PARD3: variants seen among roughly 807,000 people sequenced by gnomAD.
The protein encoded by PARD3 is par-3 family cell polarity regulator.
Under a neutral mutation model 155.4 loss-of-function variants are expected in PARD3, and 75 were observed. That is an observed-to-expected ratio of 0.48 (90% confidence interval 0.40 to 0.58). The LOEUF (loss-of-function observed/expected upper bound fraction) is 0.58, where lower values mean the gene tolerates loss of function less well. PARD3 is among the 20% of genes least tolerant of loss of function. The pLI, the probability that PARD3 is intolerant of heterozygous loss-of-function variation, is 0.00. For missense variants in PARD3, 1,642 were observed against 1,721.7 expected, an observed-to-expected ratio of 0.95 and a Z score of 0.82; for synonymous variants, 576 against 610.5, an observed-to-expected ratio of 0.94 and a Z score of 0.83.
At chr10:34,639,842 G>A (rs758781854) in intron 2 of PARD3, among the ~76,000 whole-genome samples, 104 of 151,678 alleles carry the variant, frequency 6.9e-4, no homozygotes, top group Admixed American at 2.8e-3. Context: ...CTCCAGCCTC[G>A]GTAACAGAGT....
At chr10:34,732,772 A>G (rs1431300498) in intron 1 of PARD3, among the ~76,000 whole-genome samples, 6 of 152,264 alleles carry the variant, frequency 3.9e-5, no homozygotes, top group Non-Finnish European at 1.5e-5. Context: ...TATAGAATTT[A>G]CGTTACGCCA....
At chr10:34,225,594 C>T (rs1726672718) in intron 22 of PARD3, among the ~76,000 whole-genome samples, 1 of 152,200 alleles carries the variant, frequency 6.6e-6, no homozygotes, top group South Asian at 2.1e-4. Flanking sequence ...GATCAACCCA[C>T]CTTGGCCTCC....
chr10:34,357,433 A>G (rs535636519), intron 14 of PARD3, among the ~76,000 whole-genome samples: 1 of 152,340 alleles, frequency 6.6e-6, no homozygotes, highest in African/African-American at 2.4e-5. Context: ...CTGTGGAATG[A>G]AAACTGTCCT....
Position 34,111,078 on chromosome 10 carries a change from C to G in PARD3, c.*91G>C. 1 of 1,364,158 alleles carries G rather than the reference C, an allele frequency of 7.3e-7. No individual in the cohort carries two copies. The highest frequency in any genetic ancestry group is 1.0e-6 in the Non-Finnish European group (1 of 1,002,780). 84.5% of individuals were successfully genotyped at this position (1,364,158 alleles called of 1,614,324 possible). A position where few individuals can be genotyped will look rare whatever the true frequency, so the allele number is the denominator to read the frequency against. On this transcript the variant is annotated 3_prime_UTR_variant, in exon 25 of 25. Coordinates refer to ENST00000374788, the MANE Select transcript of PARD3 (RefSeq NM_001184785.2). ...CCAACAACAGAAATACTCCATAGTA[C>G]CATCGAGGTTTTAAAAAAACTCCCA...
intron 22 of PARD3, among the ~76,000 whole-genome samples, chr10:34,241,200 A>C (rs186129400): frequency 4.1e-4 from 62 of 152,310 alleles, no homozygotes; most frequent in Non-Finnish European, 5.9e-4. Context: ...CATCAGGTAG[A>C]CCATGCTAAA....
chr10:34,615,474 G>T (rs2091190195), intron 2 of PARD3, among the ~76,000 whole-genome samples: 1 of 152,128 alleles, frequency 6.6e-6, no homozygotes, highest in South Asian at 2.1e-4. Flanking sequence ...ATGGATTAAA[G>T]ACTTAAATGT....
At chr10:34,261,765 G>GAA (rs1403985001) in intron 22 of PARD3, among the ~76,000 whole-genome samples, 1 of 130,528 alleles carries the variant, frequency 7.7e-6, no homozygotes, top group African/African-American at 2.8e-5. Flanking sequence ...AGAAAGGAAG[G>GAA]AAGGAAGAAA....
At chr10:34,605,179 AAT>A (rs1491405549) in intron 2 of PARD3, among the ~76,000 whole-genome samples, 39 of 114,208 alleles carry the variant, frequency 3.4e-4, no homozygotes, top group South Asian at 1.0e-3. Flanking sequence ...CCCAAAATGA[AAT>A]TTTTTTTTTT....
At chr10:34,500,891 CTAACATGCACAATATTCACAACCTGTACA>C (rs971364493) in intron 3 of PARD3, among the ~76,000 whole-genome samples, 1 of 152,074 alleles carries the variant, frequency 6.6e-6, no homozygotes, top group African/African-American at 2.4e-5. Flanking sequence ...ATGAAACTTC[CTAACATGCACAATATTCACAACCTGTACA>C]TAATTTTTCT....
At chr10:34,690,518 T>G (rs1336259213) in intron 2 of PARD3, among the ~76,000 whole-genome samples, 1 of 152,174 alleles carries the variant, frequency 6.6e-6, no homozygotes, top group Non-Finnish European at 1.5e-5. Context: ...TACTACATTA[T>G]GCTGAGCATA....
intron 22 of PARD3, among the ~76,000 whole-genome samples, chr10:34,185,616 C>G (rs1018217108): frequency 2.6e-5 from 4 of 151,834 alleles, no homozygotes; most frequent in Non-Finnish European, 5.9e-5. Context: ...CGGCATTTAT[C>G]TTTAAGATAT....
intron 1 of PARD3, among the ~76,000 whole-genome samples, chr10:34,736,945 G>A (rs557479865): frequency 2.2e-4 from 34 of 152,266 alleles, no homozygotes; most frequent in African/African-American, 7.5e-4. Flanking sequence ...CCAAAGTGCT[G>A]GGATTACAGG....
At chr10:34,169,331 A>G (rs1337718808) in intron 22 of PARD3, among the ~76,000 whole-genome samples, 1 of 152,236 alleles carries the variant, frequency 6.6e-6, no homozygotes, top group Non-Finnish European at 1.5e-5. Flanking sequence ...TGATGGTGAC[A>G]AAAGGAAACA....
Position 34,791,456 on chromosome 10 carries a change from G to A in PARD3, c.120+23420C>T, listed in dbSNP as rs561360677. Among the ~76,000 whole-genome samples the A allele has an allele frequency of 1.0e-3, 156 of 152,264 alleles. 1 individual carries two copies. Among genetic ancestry groups the A allele is most frequent in the Non-Finnish European group, 1.5e-3 (99 of 68,018 alleles). On this transcript the variant is annotated intron_variant, in intron 1 of 24. Transcript: ENST00000374788. ...AGGAAGCCGGCTCGAAGCCAACACC[G>A]AGCCCTGGATAAAGAGGACAAGCTC...
At chr10:34,547,062 T>C (rs1216812227) in intron 2 of PARD3, among the ~76,000 whole-genome samples, 2 of 152,348 alleles carry the variant, frequency 1.3e-5, no homozygotes, top group African/African-American at 4.8e-5. Context: ...CACAGAAATT[T>C]GCCTAGACCA....
intron 22 of PARD3, among the ~76,000 whole-genome samples, chr10:34,235,519 C>T (rs1564506569): frequency 6.6e-6 from 1 of 152,166 alleles, no homozygotes; most frequent in Non-Finnish European, 1.5e-5. Flanking sequence ...CAATTGGTGG[C>T]TATTTGTGGA....
rs756033317 is a variant in PARD3, at chr10:34,382,595, G to C, written c.1344C>G (p.Ser448Arg). The C allele has an allele frequency of 9.9e-6, 16 of 1,613,768 alleles. No individual in the cohort carries two copies. In the Admixed American group the frequency reaches 2.7e-4, roughly 27 times the overall value. ...CTATTTTTTTGGTGTTATAACCACT[G>C]CTTACAGTCGTACTAAATACATTCT... ...APQNVFSTTVSSGYNTKKIGK... is the reference protein window; with the variant it reads ...APQNVFSTTVRSGYNTKKIGK... Residue 448 changes from serine to arginine, a missense_variant, in exon 9 of 25, where the codon AGC becomes AGG. Transcript: ENST00000374788.
chr10:34,501,652 G>T (rs201777678), intron 3 of PARD3, among the ~76,000 whole-genome samples: 2 of 151,992 alleles, frequency 1.3e-5, no homozygotes, highest in East Asian at 3.9e-4. Flanking sequence ...TATTTGTAAA[G>T]TGCGTTATTT....
At chr10:34,329,739 T>A (rs1173946027) in intron 19 of PARD3, among the ~76,000 whole-genome samples, 1 of 152,014 alleles carries the variant, frequency 6.6e-6, no homozygotes, top group African/African-American at 2.4e-5. Flanking sequence ...AGGAATCTGA[T>A]CATAGTGACA....
Sources: allele counts gnomAD v4.1 joint callset (sites outside exome capture counted in the v4.1 genomes callset), GRCh38; gene constraint gnomAD v4.1.1; transcripts MANE v1.5; gene names NCBI Gene and HGNC (gene_info 2026-07-23, HGNC 2026-07-21).